The following LTBP1 variants were observed in gnomAD, a reference collection of about 807,000 sequenced individuals.
LTBP1 encodes latent transforming growth factor beta binding protein 1.
Under a neutral mutation model 207.6 loss-of-function variants are expected in LTBP1, and 129 were observed. The observed-to-expected ratio is 0.62, with a 90% CI of 0.54 to 0.72. The LOEUF (loss-of-function observed/expected upper bound fraction) is 0.72, where lower values mean the gene tolerates loss of function less well. Ranked by LOEUF, LTBP1 falls within the 30% of genes least tolerant of loss-of-function variation. LTBP1 has a pLI of 0.00. For synonymous variants in LTBP1, 963 were observed against 833.7 expected (o/e 1.16, Z -2.67); for missense variants, 2,281 against 2,217.2 (o/e 1.03, Z -0.58).
chr2:32,986,117 T>C (rs1486065162), intron 2 of LTBP1, among the ~76,000 whole-genome samples: 3 of 152,214 alleles, frequency 2.0e-5, no homozygotes, highest in Non-Finnish European at 4.4e-5. Context: ...TCTCGTGTCT[T>C]TCTGACCCTG....
At position 33,374,942 on chromosome 2, in the gene LTBP1, A is replaced by T. The variant is rs984352015; in HGVS notation, c.4711+9439A>T. 2.6e-5 allele frequency among the ~76,000 whole-genome samples: 4 copies of T among 151,934 alleles called. No homozygotes were observed. The East Asian group carries it at 7.7e-4, about 29-fold the overall frequency. ...ACTGCAGCCTGGGCAACAGAGCAAG[A>T]CTCCTTCCCAAAAAAGAAAAAAGAA... On this transcript the variant is annotated intron_variant, in intron 31 of 33. Transcript: ENST00000404816.
rs773780498 is a variant in LTBP1, at chr2:33,300,480, T to C, written c.3265T>C (p.Cys1089Arg). The C allele has an allele frequency of 1.2e-6, 2 of 1,613,558 alleles. No individual in the cohort carries two copies. Among genetic ancestry groups the C allele is most frequent in the Admixed American group, 1.7e-5 (1 of 59,986 alleles). Residue 1089 changes from cysteine to arginine, a missense_variant, in exon 21 of 34, where the codon TGT becomes CGT. By Grantham distance (180) the Cys-to-Arg change is radical (BLOSUM62 -3). This residue lies in a region of LTBP1 where 1,671 missense variants were observed against 1,634.8 expected (regional missense o/e 1.02). Transcript: ENST00000404816. Reference protein sequence around the residue: ...DIDECQQGNLCVNGQCKNTEG... With the variant: ...DIDECQQGNLRVNGQCKNTEG... ...TGATGAATGTCAGCAAGGGAATCTA[T>C]GTGTAAACGGGCAGTGCAAAAATAC... is the stretch of plus-strand genomic sequence containing the variant.
chr2:33,006,703 T>G (rs1686936657), intron 2 of LTBP1, among the ~76,000 whole-genome samples: 1 of 151,434 alleles, frequency 6.6e-6, no homozygotes, highest in Admixed American at 6.6e-5. Context: ...TACTGAACAT[T>G]TTTAAATTTT....
intron 31 of LTBP1, among the ~76,000 whole-genome samples, chr2:33,370,130 G>A (rs7566302): frequency 0.26 from 39,076 of 151,444 alleles, 6,566 homozygotes; most frequent in African/African-American, 0.49. Flanking sequence ...TAAATAATAC[G>A]TGAACACTTC....
chr2:33,199,172 G>A (rs1474622298), intron 7 of LTBP1, among the ~76,000 whole-genome samples: 2 of 152,108 alleles, frequency 1.3e-5, no homozygotes, highest in African/African-American at 4.8e-5. Flanking sequence ...TAGTCATTCA[G>A]GAGCAGGTTG....
At chr2:32,948,852 T>C in intron 1 of LTBP1, 23 bp from the exon 2 acceptor site, 2 of 1,611,806 alleles carry the variant, frequency 1.2e-6, no homozygotes, top group Non-Finnish European at 1.7e-6. Flanking sequence ...GCTGCTGGAC[T>C]CAGCGATCTT....
intron 2 of LTBP1, among the ~76,000 whole-genome samples, chr2:32,988,934 CT>C (rs11316220): frequency 0.26 from 40,131 of 151,762 alleles, 5,870 homozygotes; most frequent in East Asian, 0.68. Flanking sequence ...GCTTAGACCT[CT>C]TTTTTTTTCT....
intron 4 of LTBP1, among the ~76,000 whole-genome samples, chr2:33,126,766 G>A (rs2081463527): frequency 6.6e-6 from 1 of 152,172 alleles, no homozygotes; most frequent in South Asian, 2.1e-4. Context: ...CCCATAGGGG[G>A]AGTAGTTGGG....
Position 33,364,372 on chromosome 2 carries a change from A to G in LTBP1, c.4540+16A>G, listed in dbSNP as rs2094960229. The G allele has an allele frequency of 1.5e-5, 24 of 1,601,920 alleles. No homozygotes were observed. The highest frequency in any genetic ancestry group is 2.0e-5 in the Non-Finnish European group (24 of 1,176,310). Reference sequence around the variant, plus strand: ...GAGTCAAACGGTATGTTTCCAGGAGATGCAAACCTGTGTCCAAATAACTAT... The same window carrying G: ...GAGTCAAACGGTATGTTTCCAGGAGGTGCAAACCTGTGTCCAAATAACTAT... On this transcript the variant is annotated intron_variant, in intron 30 of 33. Coordinates refer to ENST00000404816, the MANE Select transcript of LTBP1 (RefSeq NM_206943.4).
At chr2:33,204,491 G>T (rs2089666892) in intron 7 of LTBP1, among the ~76,000 whole-genome samples, 1 of 152,184 alleles carries the variant, frequency 6.6e-6, no homozygotes, top group Admixed American at 6.5e-5. Flanking sequence ...CTTTGCAGAA[G>T]ACTGGTTTAG....
intron 20 of LTBP1, among the ~76,000 whole-genome samples, chr2:33,297,141 A>T (rs2093892441): frequency 6.6e-6 from 1 of 152,206 alleles, no homozygotes; most frequent in Non-Finnish European, 1.5e-5. Flanking sequence ...AGGAAACAGC[A>T]TATGCCAAAG....
chr2:33,277,856 G>T, intron 18 of LTBP1, among the ~76,000 whole-genome samples: 3 of 91,768 alleles, frequency 3.3e-5, no homozygotes, highest in South Asian at 3.3e-4. Context: ...TTTAAAGACA[G>T]TCTTGCTCTG....
intron 3 of LTBP1, among the ~76,000 whole-genome samples, chr2:33,043,514 G>A (rs1435098594): frequency 6.6e-6 from 1 of 152,140 alleles, no homozygotes; most frequent in East Asian, 1.9e-4. Flanking sequence ...GAAGACAGGA[G>A]CCACGTGCGC....
At chr2:33,283,567 A>G (rs192775581) in intron 19 of LTBP1, among the ~76,000 whole-genome samples, 23 of 150,782 alleles carry the variant, frequency 1.5e-4, no homozygotes, top group Admixed American at 3.3e-4. Flanking sequence ...CTCCTGAGTA[A>G]CTGGGACTAC....
intron 2 of LTBP1, among the ~76,000 whole-genome samples, chr2:32,954,789 A>G (rs972359027): frequency 1.7e-4 from 26 of 152,132 alleles, no homozygotes; most frequent in African/African-American, 5.3e-4. Flanking sequence ...CAGCTGACCC[A>G]AGGATGGGTG....
chr2:33,245,790 G>A lies in LTBP1; in HGVS notation c.1999+2006G>A, dbSNP rs149898195. 5.3e-5 allele frequency among the ~76,000 whole-genome samples: 8 copies of A among 152,288 alleles called. No homozygotes were observed. The East Asian group carries it at 1.5e-3, about 29-fold the overall frequency. On this transcript the variant is annotated intron_variant, in intron 10 of 33. Coordinates refer to ENST00000404816, the MANE Select transcript of LTBP1 (RefSeq NM_206943.4). ...ATTGTAGAGTTTGGATATAGAGTTT[G>A]TTGTGAATGCTTTTTCCACCCTTTT...
At chr2:33,264,992 G>C (rs1002366054) in intron 15 of LTBP1, among the ~76,000 whole-genome samples, 2 of 152,106 alleles carry the variant, frequency 1.3e-5, no homozygotes, top group Admixed American at 6.5e-5. Flanking sequence ...CTGGATACCG[G>C]GCATACCAGC....
intron 3 of LTBP1, among the ~76,000 whole-genome samples, chr2:33,098,241 A>G (rs1241771671): frequency 6.6e-6 from 1 of 152,082 alleles, no homozygotes; most frequent in Non-Finnish European, 1.5e-5. Context: ...ATTTAGATTT[A>G]TTTAGTGAAT....
rs553649688 is a variant in LTBP1, at chr2:33,269,697, C to T, written c.2618-3959C>T. 7.7e-4 allele frequency among the ~76,000 whole-genome samples: 118 copies of T among 152,272 alleles called. 1 individual carries two copies. The highest frequency in any genetic ancestry group is 2.8e-3 in the African/African-American group (115 of 41,566). On this transcript the variant is annotated intron_variant, in intron 15 of 33. Transcript: ENST00000404816. The stretch of plus-strand genomic sequence containing the variant: ...ATATTCTTCTACATGAACTGATCTA[C>T]TCGGTGGGAAAAGGTTTGCATGCCG...
Sources: gnomAD v4.1 joint callset for allele counts (sites outside exome capture counted in the v4.1 genomes callset) on GRCh38, gnomAD v4.1.1 for gene constraint, gnomAD v4.1.1 regional missense constraint, MANE v1.5 for transcripts, NCBI Gene and HGNC (gene_info 2026-07-23, HGNC 2026-07-21) for gene names.